Variants in SCARA5 observed in about 807,000 individuals in gnomAD.
The protein encoded by SCARA5 is scavenger receptor class A member 5.
Under a neutral mutation model 46.3 loss-of-function variants are expected in SCARA5, and 45 were observed. That is an observed-to-expected ratio of 0.97 (90% CI 0.76 to 1.24). The LOEUF (loss-of-function observed/expected upper bound fraction) is 1.24. SCARA5 is among the 50% of genes most tolerant of loss of function. SCARA5 has a pLI of 0.00. For synonymous variants in SCARA5, 333 were observed against 306.5 expected (o/e 1.09, Z -0.90); for missense variants, 680 against 689.0 (o/e 0.99, Z 0.15).
At chr8:27,942,492 T>C (rs367988123) in intron 3 of SCARA5, among the ~76,000 whole-genome samples, 2 of 152,208 alleles carry the variant, frequency 1.3e-5, no homozygotes, top group South Asian at 4.1e-4. Flanking sequence ...CCCAGCCCCT[T>C]GACCTTCTCC....
At chr8:27,918,458 G>T (rs1318000200) in intron 4 of SCARA5, among the ~76,000 whole-genome samples, 3 of 60,202 alleles carry the variant, frequency 5.0e-5, no homozygotes, top group African/African-American at 2.2e-4. Flanking sequence ...GAGCTAGAAA[G>T]GTTGGGGGGG....
intron 4 of SCARA5, among the ~76,000 whole-genome samples, chr8:27,916,428 GGTAT>G (rs1372224478): frequency 6.6e-6 from 1 of 152,020 alleles, no homozygotes; most frequent in African/African-American, 2.4e-5. Context: ...TGTACACATG[GGTAT>G]GTGTGTTTAT....
chr8:27,879,220 CATAAT>C (rs1285594807), intron 8 of SCARA5, among the ~76,000 whole-genome samples: 1 of 152,040 alleles, frequency 6.6e-6, no homozygotes, highest in Non-Finnish European at 1.5e-5. Context: ...ACAATAAAAA[CATAAT>C]AGAGACATGA....
intron 4 of SCARA5, among the ~76,000 whole-genome samples, chr8:27,914,606 T>C (rs1002718532): frequency 2.6e-5 from 4 of 152,264 alleles, no homozygotes; most frequent in Admixed American, 6.5e-5. Context: ...AGAAGTGCCA[T>C]GACATCTGTT....
At chr8:27,931,789 G>A (rs117194364) in intron 3 of SCARA5, among the ~76,000 whole-genome samples, 2,269 of 151,802 alleles carry the variant, frequency 0.015, 25 homozygotes, top group African/African-American at 0.026. Context: ...AGAGTAGCTG[G>A]GACTACATGC....
intron 7 of SCARA5, among the ~76,000 whole-genome samples, chr8:27,893,082 A>C (rs1320423006): frequency 6.6e-6 from 1 of 152,106 alleles, no homozygotes; most frequent in African/African-American, 2.4e-5. Context: ...GATGGCTTGG[A>C]CACCAGTGGC....
intron 1 of SCARA5, among the ~76,000 whole-genome samples, chr8:27,989,100 C>CT (rs1363425631): frequency 8.8e-6 from 1 of 114,242 alleles, no homozygotes; most frequent in Non-Finnish European, 1.9e-5. Context: ...TATTTTCTTT[C>CT]TTCTTTTTTT....
At chr8:27,876,906 G>A (rs1585457646) in intron 8 of SCARA5, among the ~76,000 whole-genome samples, 1 of 152,238 alleles carries the variant, frequency 6.6e-6, no homozygotes, top group Non-Finnish European at 1.5e-5. Context: ...GTGGGGTTGG[G>A]GCACCAGTGG....
At chr8:27,955,821 CTA>C (rs1808198680) in intron 3 of SCARA5, among the ~76,000 whole-genome samples, 5 of 152,202 alleles carry the variant, frequency 3.3e-5, no homozygotes, top group Admixed American at 3.3e-4. Context: ...ATTGGCAACT[CTA>C]TGTGTCGACG....
At chr8:27,920,305 T>C (rs927944049) in intron 4 of SCARA5, among the ~76,000 whole-genome samples, 2 of 152,042 alleles carry the variant, frequency 1.3e-5, no homozygotes, top group African/African-American at 2.4e-5. Context: ...ACCTTATCTC[T>C]AAAACAGTAA....
chr8:27,911,686 T>C (rs988369159), intron 4 of SCARA5, among the ~76,000 whole-genome samples: 8 of 110,122 alleles, frequency 7.3e-5, no homozygotes, highest in Non-Finnish European at 1.8e-4. Flanking sequence ...AGTGGAACTC[T>C]GTCTCCAAAA....
chr8:27,894,772 C>G (rs775212024), intron 7 of SCARA5, among the ~76,000 whole-genome samples: 1 of 152,190 alleles, frequency 6.6e-6, no homozygotes, highest in Non-Finnish European at 1.5e-5. Context: ...CTCTGCACTC[C>G]CCATGGGAAG....
chr8:27,953,595 C>T (rs1372904587), intron 3 of SCARA5, among the ~76,000 whole-genome samples: 2 of 152,194 alleles, frequency 1.3e-5, no homozygotes, highest in Non-Finnish European at 2.9e-5. Flanking sequence ...GTCCCCAGTG[C>T]CCTTCACGTG....
intron 2 of SCARA5, among the ~76,000 whole-genome samples, chr8:27,979,559 T>A (rs1808583287): frequency 6.6e-6 from 1 of 151,714 alleles, no homozygotes; most frequent in African/African-American, 2.4e-5. Context: ...GCCTGACTTT[T>A]TTTTTTTTTT....
At chr8:27,967,684 G>A (rs1206026755) in intron 2 of SCARA5, among the ~76,000 whole-genome samples, 1 of 152,154 alleles carries the variant, frequency 6.6e-6, no homozygotes, top group East Asian at 1.9e-4. Context: ...AGGCCAAGGT[G>A]GGTGGATCAC....
intron 2 of SCARA5, among the ~76,000 whole-genome samples, chr8:27,974,149 ATT>A (rs1376589862): frequency 6.6e-6 from 1 of 152,164 alleles, no homozygotes; most frequent in East Asian, 1.9e-4. Flanking sequence ...CTTTCCCTGT[ATT>A]AAGCAGGCAG....
In SCARA5 at chr8:27,921,723, G is replaced by T. The variant is rs907719962; in HGVS notation, c.764C>A (p.Ala255Asp). 2.5e-6 allele frequency: 4 copies of T among 1,594,000 alleles called. No individual in the cohort carries two copies. Among genetic ancestry groups the T allele is most frequent in the Non-Finnish European group, 3.4e-6 (4 of 1,172,042 alleles). The change falls in exon 4 of 9, where the codon GCC becomes GAC. Residue 255 changes from alanine to aspartate, a missense_variant. By Grantham distance (126) the Ala-to-Asp change is moderately radical. Coordinates refer to ENST00000354914, the MANE Select transcript of SCARA5 (RefSeq NM_173833.6). ...LQDLRVLVSN[A>D]SEDTRRLRLA... ...GCGCAGGCGGCGCGTGTCCTCGCTG[G>T]CGTTGCTCACCAGCACCCGCAGGTC...
chr8:27,903,081 G>A (rs1004175314), intron 7 of SCARA5: 2 of 152,264 alleles, frequency 1.3e-5, no homozygotes, highest in East Asian at 3.8e-4. Context: ...AGAAAGCAGG[G>A]GCAAGTTTAA....
chr8:27,889,928 C>T (rs1387961662), intron 7 of SCARA5, among the ~76,000 whole-genome samples: 1 of 152,154 alleles, frequency 6.6e-6, no homozygotes, highest in East Asian at 1.9e-4. Flanking sequence ...ACTAAAAATG[C>T]ATTATCTGTA....
Sources: allele counts gnomAD v4.1 joint callset (sites outside exome capture counted in the v4.1 genomes callset), GRCh38; gene constraint gnomAD v4.1.1; transcripts MANE v1.5; gene names NCBI Gene and HGNC (gene_info 2026-07-23, HGNC 2026-07-21).